The following PRPF18 variants were observed in gnomAD, a reference collection of about 807,000 sequenced individuals.
The protein encoded by PRPF18 is pre-mRNA processing factor 18.
Under a neutral mutation model 46.5 loss-of-function variants are expected in PRPF18, and 38 were observed. The ratio of observed to expected loss-of-function variants is 0.82; its 90% CI spans 0.63 to 1.07. The LOEUF (loss-of-function observed/expected upper bound fraction) is 1.07, where lower values mean the gene tolerates loss of function less well. Among genes scored for constraint, PRPF18 ranks in the 50% least tolerant of loss-of-function variants. PRPF18 has a pLI of 0.00. For missense variants in PRPF18, 263 were observed against 410.0 expected, an observed-to-expected ratio of 0.64 and a Z score of 3.10; for synonymous variants, 152 against 146.7, an observed-to-expected ratio of 1.04 and a Z score of -0.26.
the PRPF18 span, among the ~76,000 whole-genome samples, chr10:13,638,487 C>G: frequency 6.6e-6 from 1 of 151,978 alleles, no homozygotes; most frequent in Admixed American, 6.6e-5. Flanking sequence ...GTCCAGTGAT[C>G]TGTACCCCGC....
chr10:13,654,402 G>T, the PRPF18 span: 1 of 1,535,926 alleles, frequency 6.5e-7, no homozygotes, highest in Non-Finnish European at 9.0e-7. Context: ...GAAGAACATA[G>T]AAGGAGAACT....
intron 4 of PRPF18, among the ~76,000 whole-genome samples, chr10:13,606,145 T>G (rs1325806861): frequency 6.6e-6 from 1 of 152,016 alleles, no homozygotes; most frequent in Non-Finnish European, 1.5e-5. Context: ...ACTTAAAAGT[T>G]GAAAAAAAAG....
At chr10:13,644,414 G>A in the PRPF18 span, 2 of 152,326 alleles carry the variant, frequency 1.3e-5, no homozygotes, top group Admixed American at 6.5e-5. Flanking sequence ...TGTACATTTT[G>A]TATTAACTGA....
At chr10:13,654,831 C>T in the PRPF18 span, 28 of 400,606 alleles carry the variant, frequency 7.0e-5, no homozygotes, top group Admixed American at 2.5e-4. Context: ...GGGATGGTGA[C>T]GGTTTCTACA....
chr10:13,652,281 C>G, the PRPF18 span: 3 of 424,676 alleles, frequency 7.1e-6, no homozygotes, highest in East Asian at 1.4e-4. Flanking sequence ...TGAGTCCTCA[C>G]TAGTTGTAGG....
At chr10:13,639,733 T>C in the PRPF18 span, 1 of 152,188 alleles carries the variant, frequency 6.6e-6, no homozygotes. Flanking sequence ...GTGAGGCTGT[T>C]GTCTCAGCTC....
At chr10:13,650,429 T>C in the PRPF18 span, among the ~76,000 whole-genome samples, 1 of 150,226 alleles carries the variant, frequency 6.7e-6, no homozygotes, top group African/African-American at 2.5e-5. Context: ...CTCGTGTATG[T>C]ATTCGTGTAT....
chr10:13,602,220 G>A (rs533775740), intron 3 of PRPF18, among the ~76,000 whole-genome samples: 1 of 152,264 alleles, frequency 6.6e-6, no homozygotes, highest in Admixed American at 6.5e-5. Flanking sequence ...TAGGTATCTT[G>A]TGTTAATGTG....
At chr10:13,649,536 CTGAGAAAATGAAGCT>C in the PRPF18 span, 1 of 151,180 alleles carries the variant, frequency 6.6e-6, no homozygotes, top group African/African-American at 2.4e-5. Context: ...GCTCCTGCCT[CTGAGAAAATGAAGCT>C]GGAGGAAAAG....
chr10:13,587,999 C>G (rs1205168712), intron 1 of PRPF18, among the ~76,000 whole-genome samples: 4 of 152,122 alleles, frequency 2.6e-5, no homozygotes, highest in Non-Finnish European at 5.9e-5. Flanking sequence ...GACCCTGTTT[C>G]CCTCCAGTTT....
the PRPF18 span, chr10:13,641,976 C>G: frequency 1.3e-5 from 2 of 152,148 alleles, no homozygotes; most frequent in Admixed American, 1.3e-4. Flanking sequence ...CCATTATAAT[C>G]CTATGGGCTC....
chr10:13,646,311 A>T, the PRPF18 span: 5 of 152,628 alleles, frequency 3.3e-5, no homozygotes, highest in Admixed American at 2.6e-4. Flanking sequence ...GCCCCTCTTA[A>T]TTTTTTATGT....
In PRPF18 at chr10:13,605,742, A is replaced by T. The variant is rs953794477; in HGVS notation, c.361A>T (p.Lys121Ter). The T allele has an allele frequency of 6.2e-6, 10 of 1,611,516 alleles. No homozygotes were observed. The highest frequency in any genetic ancestry group is 2.5e-6 in the Non-Finnish European group (3 of 1,179,176). ...AGAGATCCTCACACCAGAAGTTAAC[A>T]AGGTAAGAGGACAGAACAAAGCTAG... is the stretch of plus-strand genomic sequence containing the variant. Reference protein sequence around the residue: ...KIEILTPEVNKGLRNDLKAAL... With the variant: ...KIEILTPEVN The change falls in exon 4 of 10, where the codon AAG (lysine) becomes TAG (stop). Residue 121 changes from lysine to a stop codon, truncating the protein, a stop_gained and splice_region_variant. Coordinates refer to ENST00000378572, the MANE Select transcript of PRPF18 (RefSeq NM_003675.4). LOFTEE classifies it high-confidence loss of function.
chr10:13,608,860 T>C (rs2080229033), intron 4 of PRPF18, among the ~76,000 whole-genome samples: 1 of 152,206 alleles, frequency 6.6e-6, no homozygotes, highest in African/African-American at 2.4e-5. Flanking sequence ...AGTAATCAAT[T>C]ATTTGGCCGT....
chr10:13,623,342 A>T (rs2080448040), intron 9 of PRPF18, among the ~76,000 whole-genome samples: 1 of 152,282 alleles, frequency 6.6e-6, no homozygotes, highest in Admixed American at 6.5e-5. Context: ...AGGTCAAATG[A>T]GCATTCCTAT....
chr10:13,625,792 G>A (rs955007724), intron 9 of PRPF18, among the ~76,000 whole-genome samples: 1 of 152,192 alleles, frequency 6.6e-6, no homozygotes, highest in African/African-American at 2.4e-5. Context: ...GCACTAGAAG[G>A]TAGAAGACAG....
chr10:13,630,412 C>A lies in PRPF18; in HGVS notation c.*72C>A. 1.6e-6 allele frequency: 2 copies of A among 1,245,252 alleles called. No individual in the cohort carries two copies. The highest frequency in any genetic ancestry group is 1.1e-6 in the Non-Finnish European group (1 of 871,262). 77.1% of individuals were successfully genotyped at this position (1,245,252 alleles called of 1,614,324 possible). The stretch of plus-strand genomic sequence containing the variant: ...GGCTGTGGACTTCTGGAATTACCAA[C>A]AGGAATGAGGAAAGAAGAAAACTGG... On this transcript the variant is annotated 3_prime_UTR_variant, in exon 10 of 10. Transcript: ENST00000378572.
chr10:13,613,184 C>T (rs2080296413), intron 6 of PRPF18, among the ~76,000 whole-genome samples: 1 of 151,948 alleles, frequency 6.6e-6, no homozygotes, highest in Admixed American at 6.6e-5. Context: ...TCTCTGTTTC[C>T]TACTTCCAGG....
chr10:13,648,620 A>G, the PRPF18 span: 1 of 152,132 alleles, frequency 6.6e-6, no homozygotes, highest in African/African-American at 2.4e-5. Context: ...TCCTCCTGAG[A>G]ACTAGGTTAA....
Sources: allele counts gnomAD v4.1 joint callset (sites outside exome capture counted in the v4.1 genomes callset), GRCh38; gene constraint gnomAD v4.1.1; transcripts MANE v1.5; gene names NCBI Gene and HGNC (gene_info 2026-07-23, HGNC 2026-07-21).